MCPH1: variants seen among roughly 807,000 people sequenced by gnomAD.
The protein encoded by MCPH1 is microcephalin.
In MCPH1, 104 loss-of-function variants were observed where a neutral mutation model predicts 84.5. That is an observed-to-expected ratio of 1.23 (90% CI 1.05 to 1.45). The LOEUF is 1.45. Ranked by LOEUF, MCPH1 falls within the 40% of genes most tolerant of loss-of-function variation. The pLI, the probability that MCPH1 is intolerant of heterozygous loss-of-function variation, is 0.00. For missense variants in MCPH1, 1,498 were observed against 1,005.7 expected (o/e 1.49, Z -6.62); for synonymous variants, 514 against 366.8 (o/e 1.40, Z -4.58).
intron 11 of MCPH1, among the ~76,000 whole-genome samples, chr8:6,484,295 G>A (rs1809589648): frequency 6.6e-6 from 1 of 152,194 alleles, no homozygotes; most frequent in Admixed American, 6.5e-5. Context: ...TGGCAAATAA[G>A]CATCTAAAAA....
At chr8:6,446,251 C>T in intron 8 of MCPH1, 1 of 973,116 alleles carries the variant, frequency 1.0e-6, no homozygotes, top group Non-Finnish European at 1.2e-6. Flanking sequence ...CAGTTATAAG[C>T]ACAAATAGGT....
intron 12 of MCPH1, chr8:6,562,681 T>C (rs1825742588): frequency 6.2e-7 from 1 of 1,603,268 alleles, no homozygotes; most frequent in Non-Finnish European, 8.5e-7. Flanking sequence ...TTCCATGATG[T>C]TCTCCAGCAC....
chr8:6,484,371 TAAAAGAAAAAATAA>T (rs1809599793), intron 11 of MCPH1, among the ~76,000 whole-genome samples: 1 of 148,528 alleles, frequency 6.7e-6, no homozygotes, highest in East Asian at 2.0e-4. Context: ...TTAGAATGGC[TAAAAGAAAAAATAA>T]CAGTCGCACT....
chr8:6,481,007 G>T, intron 11 of MCPH1, 131 bp downstream of exon 11: 1 of 1,113,944 alleles, frequency 9.0e-7, no homozygotes, highest in Non-Finnish European at 1.3e-6. Context: ...TGTGAGCTGG[G>T]AACACCCGTC....
intron 13 of MCPH1, among the ~76,000 whole-genome samples, chr8:6,623,473 T>C (rs1246152968): frequency 6.6e-6 from 1 of 152,064 alleles, no homozygotes; most frequent in Non-Finnish European, 1.5e-5. Flanking sequence ...ATCCTAAACT[T>C]CTGGCTTTTC....
Position 6,408,955 on chromosome 8 carries a change from G to A in MCPH1, c.23-324G>A, listed in dbSNP as rs368190382. Reference sequence around the variant, plus strand: ...GGCTGGAGTGCAATGGCGCAATCTCGGCTCACTGCAACCTCTGCCTCCCGG... The same window carrying A: ...GGCTGGAGTGCAATGGCGCAATCTCAGCTCACTGCAACCTCTGCCTCCCGG... On this transcript the variant is annotated intron_variant, in intron 1 of 13. Coordinates refer to ENST00000344683, the MANE Select transcript of MCPH1 (RefSeq NM_024596.5). Among the ~76,000 whole-genome samples, 143 of 151,412 alleles carry A rather than the reference G, an allele frequency of 9.4e-4. 4 individuals are homozygous for A. In the East Asian group the frequency reaches 0.021, roughly 22 times the overall value.
intron 11 of MCPH1, among the ~76,000 whole-genome samples, chr8:6,483,217 G>C (rs925992425): frequency 2.6e-5 from 4 of 152,210 alleles, no homozygotes; most frequent in Non-Finnish European, 4.4e-5. Flanking sequence ...TCATGGATTA[G>C]AAGACATAGT....
At chr8:6,424,099 T>A (rs1261634459) in intron 3 of MCPH1, among the ~76,000 whole-genome samples, 4 of 152,196 alleles carry the variant, frequency 2.6e-5, no homozygotes, top group African/African-American at 9.7e-5. Flanking sequence ...GTCACTAGAA[T>A]CCCATTCTGT....
In MCPH1 at chr8:6,621,627, C is replaced by T; in HGVS notation, c.2388C>T (p.Val796=). ...VSQVPRQASI[V]IGPYSGKKKA... ...AAGTCCCCCGCCAGGCCAGCATCGT[C>T]ATCGGGCCCTACAGCGGAAAGAAGA... Residue 796 remains valine (V), a synonymous_variant, in exon 13 of 14, where the codon GTC becomes GTT. Coordinates refer to ENST00000344683, the MANE Select transcript of MCPH1 (RefSeq NM_024596.5). The T allele has an allele frequency of 6.2e-7, 1 of 1,614,234 alleles. No individual in the cohort carries two copies. The highest frequency in any genetic ancestry group is 1.1e-5 in the South Asian group (1 of 91,078).
At chr8:6,481,814 C>G (rs762021021) in intron 11 of MCPH1, among the ~76,000 whole-genome samples, 1 of 152,164 alleles carries the variant, frequency 6.6e-6, no homozygotes, top group African/African-American at 2.4e-5. Context: ...TATATTAGTA[C>G]TGCTTTATGT....
intron 8 of MCPH1, among the ~76,000 whole-genome samples, chr8:6,447,796 T>C (rs1385130170): frequency 6.6e-6 from 1 of 152,146 alleles, no homozygotes; most frequent in Non-Finnish European, 1.5e-5. Flanking sequence ...TGATCTACCC[T>C]CCTCGGCCTC....
chr8:6,436,870 T>G (rs1243252593), intron 5 of MCPH1, among the ~76,000 whole-genome samples: 3 of 151,780 alleles, frequency 2.0e-5, no homozygotes, highest in Non-Finnish European at 4.4e-5. Flanking sequence ...CTTGGGAGGC[T>G]GAGGCAGGAG....
intron 7 of MCPH1, 134 bp downstream of exon 7, chr8:6,442,290 T>G: frequency 1.5e-6 from 1 of 652,232 alleles, no homozygotes; most frequent in East Asian, 2.8e-5. Context: ...AATTTCCCCC[T>G]GAAATTAGGT....
chr8:6,533,480 G>A (rs1819913779), intron 12 of MCPH1, among the ~76,000 whole-genome samples: 1 of 151,476 alleles, frequency 6.6e-6, no homozygotes, highest in African/African-American at 2.4e-5. Flanking sequence ...AGGGTTTCTG[G>A]TTGGTCAGAG....
chr8:6,589,651 G>C (rs944735805), intron 12 of MCPH1, among the ~76,000 whole-genome samples: 8 of 152,222 alleles, frequency 5.3e-5, no homozygotes, highest in Non-Finnish European at 1.5e-5. Context: ...ATGTCTAACT[G>C]TGCTCTGAGA....
intron 3 of MCPH1, among the ~76,000 whole-genome samples, chr8:6,416,618 G>A (rs1799338933): frequency 1.3e-5 from 2 of 152,132 alleles, no homozygotes; most frequent in Admixed American, 6.5e-5. Flanking sequence ...TAATTGAGGG[G>A]TTTTGTGTGT....
intron 10 of MCPH1, among the ~76,000 whole-genome samples, chr8:6,479,841 A>G (rs143041845): frequency 6.6e-6 from 1 of 152,340 alleles, no homozygotes; most frequent in African/African-American, 2.4e-5. Context: ...TATTAAGGGA[A>G]TGACAGAGCA....
intron 11 of MCPH1, among the ~76,000 whole-genome samples, chr8:6,482,198 G>T (rs1809332205): frequency 6.6e-6 from 1 of 152,196 alleles, no homozygotes; most frequent in East Asian, 1.9e-4. Context: ...TGCCAAAGAG[G>T]AGCTCCAAGG....
At chr8:6,513,028 C>G (rs7013006) in intron 12 of MCPH1, among the ~76,000 whole-genome samples, 12,923 of 152,302 alleles carry the variant, frequency 0.085, 648 homozygotes, top group African/African-American at 0.14. Flanking sequence ...AAGTATCCAT[C>G]ATTTATGCTA....
Sources: allele counts gnomAD v4.1 joint callset (sites outside exome capture counted in the v4.1 genomes callset), GRCh38; gene constraint gnomAD v4.1.1; transcripts MANE v1.5; gene names NCBI Gene and HGNC (gene_info 2026-07-23, HGNC 2026-07-21).